The following ANO10 variants were observed in gnomAD, a reference collection of about 807,000 sequenced individuals.
The protein encoded by ANO10 is anoctamin-10.
A neutral mutation model predicts 74.7 loss-of-function variants in ANO10; 77 were observed. The ratio of observed to expected loss-of-function variants is 1.03; its 90% confidence interval spans 0.86 to 1.25. The LOEUF (loss-of-function observed/expected upper bound fraction) is 1.25, where lower values mean the gene tolerates loss of function less well. Ranked by LOEUF, ANO10 falls within the 50% of genes most tolerant of loss-of-function variation. The pLI, the probability that ANO10 is intolerant of heterozygous loss-of-function variation, is 0.00. For missense variants in ANO10, 721 were observed against 778.1 expected (o/e 0.93, Z 0.87); for synonymous variants, 279 against 284.9 (o/e 0.98, Z 0.21).
chr3:43,502,189 C>T (rs2077125072), intron 11 of ANO10, among the ~76,000 whole-genome samples: 1 of 152,098 alleles, frequency 6.6e-6, no homozygotes, highest in South Asian at 2.1e-4. Flanking sequence ...AAACCAGCAT[C>T]TTGAAGAGAT....
chr3:43,539,281 A>T (rs1240929536), intron 11 of ANO10, among the ~76,000 whole-genome samples: 1 of 152,160 alleles, frequency 6.6e-6, no homozygotes, highest in African/African-American at 2.4e-5. Context: ...TGCAAAGAAC[A>T]GGGGTTTCTT....
Position 43,561,355 on chromosome 3 carries a change from C to T in ANO10, c.1341G>A (p.Met447Ile), listed in dbSNP as rs778900729. Residue 447 changes from methionine (M) to isoleucine (I), a missense_variant, in exon 9 of 13, where the codon ATG becomes ATA. Physicochemically the swap from Met to Ile is conservative, Grantham distance 10. Coordinates refer to ENST00000292246, the MANE Select transcript of ANO10 (RefSeq NM_018075.5). ...LITSQILNQI[M>I]ESFLPYWLQR... ...GGAGCCAATAAGGAAGAAAAGATTC[C>T]ATAATTTGGTTGAGGATCTGGGAGG... The T allele has an allele frequency of 1.4e-5, 22 of 1,613,988 alleles. No homozygotes were observed. The highest frequency in any genetic ancestry group is 1.7e-5 in the Non-Finnish European group (20 of 1,180,022).
intron 11 of ANO10, among the ~76,000 whole-genome samples, chr3:43,439,290 T>C (rs1035720962): frequency 2.0e-5 from 3 of 151,374 alleles, no homozygotes; most frequent in Admixed American, 6.6e-5. Flanking sequence ...GGAAAAATCA[T>C]CCTTCAAAAA....
chr3:43,614,693 A>T (rs1575550017), intron 1 of ANO10, among the ~76,000 whole-genome samples: 1 of 149,728 alleles, frequency 6.7e-6, no homozygotes, highest in East Asian at 2.0e-4. Context: ...CAAGAAAAAT[A>T]ATATTAAACG....
At chr3:43,631,825 G>A (rs901630028) in intron 1 of ANO10, among the ~76,000 whole-genome samples, 2 of 151,914 alleles carry the variant, frequency 1.3e-5, no homozygotes, top group African/African-American at 2.4e-5. Flanking sequence ...GCTCACACCT[G>A]TAATCCCAGC....
chr3:43,509,352 G>T (rs2077424602), intron 11 of ANO10, among the ~76,000 whole-genome samples: 1 of 151,792 alleles, frequency 6.6e-6, no homozygotes, highest in African/African-American at 2.4e-5. Flanking sequence ...ATGTACCCTA[G>T]AACTTAAATT....
At chr3:43,633,150 C>T (rs1370723542) in intron 1 of ANO10, among the ~76,000 whole-genome samples, 1 of 151,980 alleles carries the variant, frequency 6.6e-6, no homozygotes, top group Non-Finnish European at 1.5e-5. Flanking sequence ...CTATCTCGTC[C>T]CCCCGGAAAG....
intron 11 of ANO10, among the ~76,000 whole-genome samples, chr3:43,499,991 C>T (rs2077043778): frequency 6.6e-6 from 1 of 152,048 alleles, no homozygotes; most frequent in Non-Finnish European, 1.5e-5. Flanking sequence ...GCCACCACAC[C>T]TAGCTGTTTT....
At chr3:43,688,655 C>T (rs1236976605) in intron 1 of ANO10, among the ~76,000 whole-genome samples, 1 of 151,968 alleles carries the variant, frequency 6.6e-6, no homozygotes, top group Non-Finnish European at 1.5e-5. Context: ...CCAGCCTGGC[C>T]AACATGGTGA....
At chr3:43,503,579 C>T (rs1204470393) in intron 11 of ANO10, among the ~76,000 whole-genome samples, 4 of 152,216 alleles carry the variant, frequency 2.6e-5, no homozygotes, top group Admixed American at 1.3e-4. Context: ...ACAAGGAAGA[C>T]AGCTCACTCC....
chr3:43,628,475 G>A (rs1415293653), intron 1 of ANO10, among the ~76,000 whole-genome samples: 1 of 152,082 alleles, frequency 6.6e-6, no homozygotes, highest in Non-Finnish European at 1.5e-5. Flanking sequence ...ACAAATTGTA[G>A]AGCATATGTG....
chr3:43,568,016 A>C (rs1478995646), intron 7 of ANO10, among the ~76,000 whole-genome samples: 3 of 151,792 alleles, frequency 2.0e-5, no homozygotes, highest in Non-Finnish European at 3.0e-5. Context: ...AAAACAAAAA[A>C]AGGCAGGGGT....
chr3:43,593,768 C>T (rs936299031), intron 4 of ANO10, among the ~76,000 whole-genome samples: 13 of 152,056 alleles, frequency 8.5e-5, no homozygotes, highest in Non-Finnish European at 1.5e-4. Context: ...CAATATTAAC[C>T]TTAAATGTAA....
intron 11 of ANO10, among the ~76,000 whole-genome samples, chr3:43,516,591 C>T (rs1039413527): frequency 2.0e-5 from 3 of 152,144 alleles, no homozygotes; most frequent in Admixed American, 6.5e-5. Flanking sequence ...GTGCTTCACA[C>T]ATATTAGACT....
At chr3:43,507,309 C>T (rs1322256666) in intron 11 of ANO10, among the ~76,000 whole-genome samples, 1 of 151,980 alleles carries the variant, frequency 6.6e-6, no homozygotes, top group Non-Finnish European at 1.5e-5. Context: ...TGTATTCTTC[C>T]CCTTCCCCTT....
intron 12 of ANO10, among the ~76,000 whole-genome samples, chr3:43,406,136 C>A (rs548513673): frequency 6.6e-6 from 1 of 152,294 alleles, no homozygotes; most frequent in East Asian, 1.9e-4. Flanking sequence ...AGAATGGAAG[C>A]TCCCAGGGCA....
chr3:43,509,967 T>C (rs1229873379), intron 11 of ANO10, among the ~76,000 whole-genome samples: 1 of 152,160 alleles, frequency 6.6e-6, no homozygotes, highest in Non-Finnish European at 1.5e-5. Context: ...ACTGTATGAT[T>C]ACATTTATAT....
chr3:43,505,381 G>A (rs550301650), intron 11 of ANO10, among the ~76,000 whole-genome samples: 1 of 152,250 alleles, frequency 6.6e-6, no homozygotes, highest in South Asian at 2.1e-4. Flanking sequence ...CTGAGCATGA[G>A]GACTGTCTAT....
upstream of ANO10, among the ~76,000 whole-genome samples, chr3:43,624,780 A>G (rs746156406): frequency 3.8e-4 from 58 of 152,368 alleles, no homozygotes; most frequent in Middle Eastern, 3.4e-3. Context: ...TTCACATCGC[A>G]GGAGGGATGG....
Sources: gnomAD v4.1 joint callset for allele counts (sites outside exome capture counted in the v4.1 genomes callset) on GRCh38, gnomAD v4.1.1 for gene constraint, MANE v1.5 for transcripts, NCBI Gene and HGNC (gene_info 2026-07-23, HGNC 2026-07-21) for gene names.